Variants in PDE1A observed in about 807,000 individuals in gnomAD.
The protein encoded by PDE1A is phosphodiesterase 1A.
Under a neutral mutation model 61.7 loss-of-function variants are expected in PDE1A, and 35 were observed. The ratio of observed to expected loss-of-function variants is 0.57; its 90% confidence interval spans 0.43 to 0.75. The LOEUF is 0.75. PDE1A is among the 30% of genes least tolerant of loss of function. The probability of loss-of-function intolerance (pLI) is 0.00; values close to 1 mark genes in which losing one functional copy is unlikely to be tolerated. For synonymous variants in PDE1A, 232 were observed against 213.2 expected (o/e 1.09, Z -0.77); for missense variants, 597 against 630.6 (o/e 0.95, Z 0.57).
chr2:182,168,381 C>A, intron 13 of PDE1A: 1 of 1,157,902 alleles, frequency 8.6e-7, no homozygotes, highest in South Asian at 1.6e-5. Flanking sequence ...TTATAATCAG[C>A]CATGATTGTA....
At chr2:182,299,317 GA>G (rs1371380864) in intron 1 of PDE1A, among the ~76,000 whole-genome samples, 1 of 151,118 alleles carries the variant, frequency 6.6e-6, no homozygotes, top group Non-Finnish European at 1.5e-5. Flanking sequence ...ATAGAATCTG[GA>G]TTGATATACT....
At chr2:182,570,311 T>C in the PDE1A span, among the ~76,000 whole-genome samples, 26 of 152,334 alleles carry the variant, frequency 1.7e-4, no homozygotes, top group East Asian at 4.4e-3. Flanking sequence ...TTTTTAATAC[T>C]GAGCTTCATA....
chr2:182,362,741 G>A (rs938446942), intron 1 of PDE1A, among the ~76,000 whole-genome samples: 2 of 151,888 alleles, frequency 1.3e-5, no homozygotes, highest in African/African-American at 4.8e-5. Context: ...AATATAAATT[G>A]TTGTATCATA....
the PDE1A span, among the ~76,000 whole-genome samples, chr2:182,615,874 A>G: frequency 6.6e-6 from 1 of 152,184 alleles, no homozygotes; most frequent in African/African-American, 2.4e-5. Flanking sequence ...ACCCATGCCC[A>G]TGACAATGGC....
chr2:182,162,312 G>T (rs958335079), intron 13 of PDE1A, among the ~76,000 whole-genome samples: 8 of 152,148 alleles, frequency 5.3e-5, no homozygotes, highest in African/African-American at 1.4e-4. Context: ...AACAGCAGAG[G>T]CAAAGCAACA....
intron 7 of PDE1A, among the ~76,000 whole-genome samples, chr2:182,218,461 G>C (rs1688429912): frequency 6.6e-6 from 1 of 152,018 alleles, no homozygotes; most frequent in African/African-American, 2.4e-5. Context: ...ACAATGCATT[G>C]TTATTAACTC....
chr2:182,419,336 CTTT>C lies in PDE1A; in HGVS notation c.53+7239_53+7241del, dbSNP rs35320184. ...GATTTTCTCATTCTTTTTTTCTTTT[CTTT>C]TTTTTTTTTTTTTTGAGATAGAGTC... is the stretch of plus-strand genomic sequence containing the variant. On this transcript the variant is annotated intron_variant, in intron 1 of 13. Coordinates refer to ENST00000351439, the Ensembl canonical transcript of PDE1A. Among the ~76,000 whole-genome samples, 31 of 132,616 alleles carry C rather than the reference CTTT, an allele frequency of 2.3e-4. No homozygotes were observed. In the South Asian group the frequency reaches 5.3e-3, roughly 23 times the overall value. The allele number at this position is 132,616 out of a possible 152,430, so 87.0% of individuals were successfully genotyped here. A position where few individuals can be genotyped will look rare whatever the true frequency, so the allele number is the denominator to read the frequency against.
chr2:182,703,802 G>C, the PDE1A span, among the ~76,000 whole-genome samples: 1 of 152,116 alleles, frequency 6.6e-6, no homozygotes, highest in East Asian at 1.9e-4. Context: ...GTACCTAATA[G>C]AAAGTAAGGC....
At chr2:182,660,641 C>T in the PDE1A span, among the ~76,000 whole-genome samples, 2 of 152,276 alleles carry the variant, frequency 1.3e-5, no homozygotes, top group South Asian at 4.1e-4. Flanking sequence ...ATACTGTAGC[C>T]ATGTTGCAAG....
At chr2:182,248,713 C>T (rs1691174194) in intron 2 of PDE1A, among the ~76,000 whole-genome samples, 1 of 152,114 alleles carries the variant, frequency 6.6e-6, no homozygotes. Context: ...AAAATGATTA[C>T]ATTCATGTAC....
At chr2:182,413,475 G>T (rs16823184) in intron 1 of PDE1A, among the ~76,000 whole-genome samples, 7,435 of 152,186 alleles carry the variant, frequency 0.049, 586 homozygotes, top group African/African-American at 0.17. Flanking sequence ...GTTTTGTTAA[G>T]AATGATAAGA....
the PDE1A span, among the ~76,000 whole-genome samples, chr2:182,619,937 A>C: frequency 6.6e-6 from 1 of 152,142 alleles, no homozygotes; most frequent in African/African-American, 2.4e-5. Context: ...GAGAGAACTC[A>C]CTTCCAGAAG....
chr2:182,186,376 T>C, intron 12 of PDE1A, 92 bp downstream of exon 12: 2 of 1,420,534 alleles, frequency 1.4e-6, no homozygotes, highest in Non-Finnish European at 1.9e-6. Flanking sequence ...TTGTGAGAAT[T>C]CTCTGCCTAG....
chr2:182,169,953 CTT>C (rs745957797), intron 13 of PDE1A, among the ~76,000 whole-genome samples: 6 of 75,502 alleles, frequency 7.9e-5, no homozygotes, highest in African/African-American at 1.7e-4. Flanking sequence ...CCCTCTCTCT[CTT>C]TCTCTTTCAT....
chr2:182,480,288 T>C (rs1182060332), intron 2 of PDE1A, among the ~76,000 whole-genome samples: 2 of 151,922 alleles, frequency 1.3e-5, no homozygotes, highest in African/African-American at 4.8e-5. Context: ...CACAACGGTA[T>C]TAAGTGCCAG....
intron 1 of PDE1A, among the ~76,000 whole-genome samples, chr2:182,368,612 G>C (rs527824160): frequency 4.0e-5 from 6 of 151,810 alleles, no homozygotes; most frequent in African/African-American, 1.4e-4. Context: ...AATAAACTTA[G>C]GGCTGCAACT....
rs1229749660 is a variant in PDE1A, at chr2:182,178,304, C to A, written c.1516+7588G>T. 2.0e-5 allele frequency among the ~76,000 whole-genome samples: 3 copies of A among 152,238 alleles called. No homozygotes were observed. The East Asian group carries it at 5.8e-4, about 29-fold the overall frequency. ...AGATCCAGGTTTCTCACTCCCTGGA[C>A]ATGGATCTAGGTTTTCCCTAAGAGA... On this transcript the variant is annotated intron_variant, in intron 13 of 13. Coordinates refer to ENST00000351439, the Ensembl canonical transcript of PDE1A.
intron 13 of PDE1A, among the ~76,000 whole-genome samples, chr2:182,155,626 A>G (rs1691036556): frequency 6.6e-6 from 1 of 152,214 alleles, no homozygotes; most frequent in Admixed American, 6.5e-5. Context: ...GCAGTGGCTC[A>G]TGCCTGTAAT....
At chr2:182,378,602 A>G (rs1700552989) in intron 1 of PDE1A, among the ~76,000 whole-genome samples, 1 of 152,184 alleles carries the variant, frequency 6.6e-6, no homozygotes, top group African/African-American at 2.4e-5. Context: ...TGATACAAAT[A>G]ATTATTGAAG....
Sources: gnomAD v4.1 joint callset for allele counts (sites outside exome capture counted in the v4.1 genomes callset) on GRCh38, gnomAD v4.1.1 for gene constraint, MANE v1.5 for transcripts, NCBI Gene and HGNC (gene_info 2026-07-23, HGNC 2026-07-21) for gene names.